The following FAM168A variants were observed in gnomAD, a reference collection of about 807,000 sequenced individuals.
FAM168A encodes protein FAM168A.
A neutral mutation model predicts 28.5 loss-of-function variants in FAM168A; 3 were observed. The observed-to-expected ratio is 0.11, with a 90% CI of 0.05 to 0.27. The LOEUF is 0.27. FAM168A is among the 10% of genes least tolerant of loss of function. The probability of loss-of-function intolerance (pLI) is 1.00; values close to 1 mark genes in which losing one functional copy is unlikely to be tolerated. For missense variants in FAM168A, 222 were observed against 311.5 expected (o/e 0.71, Z 2.16); for synonymous variants, 122 against 124.2 (o/e 0.98, Z 0.12).
At chr11:73,413,894 C>T (rs1160313026) in intron 4 of FAM168A, among the ~76,000 whole-genome samples, 1 of 152,050 alleles carries the variant, frequency 6.6e-6, no homozygotes, top group Non-Finnish European at 1.5e-5. Flanking sequence ...AGACAGACTA[C>T]ATCTCTAAAA....
At chr11:73,481,348 C>A (rs765800487) in intron 1 of FAM168A, among the ~76,000 whole-genome samples, 4 of 152,216 alleles carry the variant, frequency 2.6e-5, no homozygotes, top group Non-Finnish European at 5.9e-5. Context: ...GCAGTTTTGT[C>A]TTGATCAGAC....
intron 1 of FAM168A, among the ~76,000 whole-genome samples, chr11:73,530,430 T>C (rs1240560450): frequency 6.6e-6 from 1 of 152,080 alleles, no homozygotes; most frequent in Non-Finnish European, 1.5e-5. Context: ...AGTAGATCAG[T>C]GTGCAGGGGA....
Position 73,496,873 on chromosome 11 carries a change from TCACACA to T in FAM168A, c.-18-28387_-18-28382del, listed in dbSNP as rs71065011. On this transcript the variant is annotated intron_variant, in intron 1 of 7. Transcript: ENST00000356467. ...CTGCACCCAGCCCTGTATGTTCTTA[TCACACA>T]CACACACACACACACACACACACAC... Among the ~76,000 whole-genome samples the T allele has an allele frequency of 8.9e-4, 125 of 140,218 alleles. 1 individual carries two copies. Among genetic ancestry groups the T allele is most frequent in the South Asian group, 5.9e-3 (26 of 4,424 alleles). The allele number at this position is 140,218 out of a possible 152,430, so 92.0% of individuals were successfully genotyped here.
At chr11:73,563,317 C>T (rs1257846486) in intron 1 of FAM168A, among the ~76,000 whole-genome samples, 1 of 152,180 alleles carries the variant, frequency 6.6e-6, no homozygotes, top group Non-Finnish European at 1.5e-5. Context: ...CCTCTGAGGA[C>T]AATACTGCTT....
intron 1 of FAM168A, among the ~76,000 whole-genome samples, chr11:73,473,243 A>G (rs934609321): frequency 1.3e-5 from 2 of 152,214 alleles, no homozygotes; most frequent in Non-Finnish European, 2.9e-5. Flanking sequence ...GAAGTAAGGA[A>G]AAGCCAATTT....
chr11:73,461,192 C>CTGAA (rs1323988282), intron 2 of FAM168A, among the ~76,000 whole-genome samples: 1 of 152,146 alleles, frequency 6.6e-6, no homozygotes, highest in East Asian at 1.9e-4. Flanking sequence ...GCATGGCTCA[C>CTGAA]TGAAGCCTTG....
At chr11:73,445,061 A>C (rs1368661745) in intron 2 of FAM168A, among the ~76,000 whole-genome samples, 2 of 152,168 alleles carry the variant, frequency 1.3e-5, no homozygotes, top group Non-Finnish European at 2.9e-5. Flanking sequence ...GGAGTTCAAG[A>C]CCAGCCTGAC....
chr11:73,502,506 C>A (rs1310904515), intron 1 of FAM168A, among the ~76,000 whole-genome samples: 1 of 152,094 alleles, frequency 6.6e-6, no homozygotes, highest in Non-Finnish European at 1.5e-5. Context: ...TAATTAATAG[C>A]CTATCAACCA....
chr11:73,568,934 CAT>C (rs1334006417), intron 1 of FAM168A, among the ~76,000 whole-genome samples: 4 of 152,064 alleles, frequency 2.6e-5, no homozygotes, highest in Admixed American at 2.0e-4. Context: ...TTGCCACTGT[CAT>C]ATCTTATTTA....
intron 1 of FAM168A, among the ~76,000 whole-genome samples, chr11:73,490,803 T>C (rs77959871): frequency 6.6e-6 from 1 of 152,218 alleles, no homozygotes; most frequent in Non-Finnish European, 1.5e-5. Flanking sequence ...ATATCTATTG[T>C]ACTTAATATT....
intron 1 of FAM168A, among the ~76,000 whole-genome samples, chr11:73,528,032 T>G (rs919749414): frequency 6.6e-6 from 1 of 152,184 alleles, no homozygotes; most frequent in Non-Finnish European, 1.5e-5. Flanking sequence ...GAGCACACCT[T>G]CATGTCAGCC....
intron 2 of FAM168A, among the ~76,000 whole-genome samples, chr11:73,457,589 A>T (rs1460294150): frequency 6.6e-6 from 1 of 151,756 alleles, no homozygotes; most frequent in Non-Finnish European, 1.5e-5. Context: ...AAAATGGTTA[A>T]AATTGGCCAG....
chr11:73,565,220 A>G (rs1449287568), intron 1 of FAM168A, among the ~76,000 whole-genome samples: 2 of 152,208 alleles, frequency 1.3e-5, no homozygotes, highest in Admixed American at 1.3e-4. Context: ...TGATCTAAGC[A>G]TGGAATGGGA....
chr11:73,453,642 C>T (rs576057563), intron 2 of FAM168A, among the ~76,000 whole-genome samples: 1 of 152,132 alleles, frequency 6.6e-6, no homozygotes, highest in Non-Finnish European at 1.5e-5. Context: ...TTATTCCTAC[C>T]TTTATAGGAG....
chr11:73,458,126 G>A (rs1645887000), intron 2 of FAM168A, among the ~76,000 whole-genome samples: 2 of 152,170 alleles, frequency 1.3e-5, no homozygotes, highest in South Asian at 4.1e-4. Flanking sequence ...GTGGGCACAA[G>A]AAGTACATAA....
intron 2 of FAM168A, among the ~76,000 whole-genome samples, chr11:73,440,257 T>C (rs756783722): frequency 6.6e-6 from 1 of 152,116 alleles, no homozygotes; most frequent in African/African-American, 2.4e-5. Flanking sequence ...TTCAACAAAA[T>C]ATATTAGAAC....
intron 1 of FAM168A, among the ~76,000 whole-genome samples, chr11:73,594,418 G>GT (rs1191641681): frequency 2.6e-5 from 4 of 151,740 alleles, no homozygotes; most frequent in Non-Finnish European, 5.9e-5. Context: ...GGTTTTTGAG[G>GT]TTTTTTTGTG....
intron 2 of FAM168A, among the ~76,000 whole-genome samples, chr11:73,454,245 T>A (rs1304241515): frequency 6.6e-6 from 1 of 152,288 alleles, no homozygotes; most frequent in East Asian, 1.9e-4. Flanking sequence ...AGCCAGCTGA[T>A]TTATAATAAA....
chr11:73,429,153 C>T (rs1402520703), intron 3 of FAM168A, among the ~76,000 whole-genome samples: 1 of 152,158 alleles, frequency 6.6e-6, no homozygotes, highest in Admixed American at 6.5e-5. Flanking sequence ...GGACTCAAAT[C>T]TAGGTCTTCA....
Sources: allele counts gnomAD v4.1 joint callset (sites outside exome capture counted in the v4.1 genomes callset), GRCh38; gene constraint gnomAD v4.1.1; transcripts MANE v1.5; gene names NCBI Gene and HGNC (gene_info 2026-07-23, HGNC 2026-07-21).